Variants in CACNA2D4 observed in about 807,000 individuals in gnomAD.
CACNA2D4 encodes the protein calcium voltage-gated channel auxiliary subunit alpha2delta 4.
CACNA2D4 carries 157 observed loss-of-function variants against 163.8 expected under a neutral mutation model. That is an observed-to-expected ratio of 0.96 (90% CI 0.84 to 1.09). The LOEUF is 1.09. Ranked by LOEUF, CACNA2D4 falls within the 50% of genes least tolerant of loss-of-function variation. The probability of loss-of-function intolerance (pLI) is 0.00; values close to 1 mark genes in which losing one functional copy is unlikely to be tolerated. For missense variants in CACNA2D4, 1,410 were observed against 1,479.9 expected, an observed-to-expected ratio of 0.95 and a Z score of 0.78; for synonymous variants, 598 against 586.9, an observed-to-expected ratio of 1.02 and a Z score of -0.27.
rs1404146598 is a variant in CACNA2D4 at position 1,844,654 on chromosome 12, GC to G, written c.2343-126del. 2.1e-6 allele frequency: 2 copies of G among 953,352 alleles called. No individual in the cohort carries two copies. The highest frequency in any genetic ancestry group is 3.1e-6 in the Non-Finnish European group (2 of 646,616). 59.1% of individuals were successfully genotyped at this position (953,352 alleles called of 1,614,324 possible). On this transcript the variant is annotated intron_variant, in intron 24 of 37. Transcript: ENST00000382722. This position sits in a 1 kb window ranked among gnomAD's most constrained non-coding sequence, Gnocchi z 4.2. ...TGATTTTAGCCCCTAAATTAGTACG[GC>G]CCCAGACAATGCTTCCCAGCAATTC...
At chr12:1,861,568 G>A (rs1441688534) in intron 18 of CACNA2D4, among the ~76,000 whole-genome samples, 3 of 151,736 alleles carry the variant, frequency 2.0e-5, no homozygotes, top group Non-Finnish European at 4.4e-5. Context: ...TCAGCCCCCA[G>A]AGTAGCTGGG....
Position 1,846,666 on chromosome 12 carries a change from A to G in CACNA2D4, c.2270T>C (p.Met757Thr). Residue 757 changes from methionine to threonine, a missense_variant, in exon 24 of 38, where the codon ATG becomes ACG. Physicochemically the swap from Met to Thr is moderately conservative, Grantham distance 81. Transcript: ENST00000382722. ...GCCAGCCCGGGTGCCCAGGAAGGCCATGTCCACCACGTGTTCAGACTCCCT... is the reference window on the plus strand; with the variant it reads ...GCCAGCCCGGGTGCCCAGGAAGGCCGTGTCCACCACGTGTTCAGACTCCCT... ...MSEESEHVVD[M>T]AFLGTRAGLL... The G allele has an allele frequency of 6.2e-7, 1 of 1,601,914 alleles. No individual in the cohort carries two copies. Among genetic ancestry groups the G allele is most frequent in the Non-Finnish European group, 8.5e-7 (1 of 1,176,342 alleles).
chr12:1,844,259 G>A lies in CACNA2D4; in HGVS notation c.2470+143C>T, dbSNP rs1264029104. 6 of 946,628 alleles carry A rather than the reference G, an allele frequency of 6.3e-6. No homozygotes were observed. The highest frequency in any genetic ancestry group is 6.2e-6 in the Non-Finnish European group (4 of 646,472). 58.6% of individuals were successfully genotyped at this position (946,628 alleles called of 1,614,324 possible). A position where few individuals can be genotyped will look rare whatever the true frequency, so the allele number is the denominator to read the frequency against. On this transcript the variant is annotated intron_variant, in intron 25 of 37. Transcript: ENST00000382722. This position sits in a 1 kb window ranked among gnomAD's most constrained non-coding sequence, Gnocchi z 4.2. ...TTTTTTAAGTCACTAATGCATGCAG[G>A]AGGGAAGGCAGGAGGGGAACCCTGG...
intron 23 of CACNA2D4, among the ~76,000 whole-genome samples, chr12:1,849,049 C>T (rs1865216663): frequency 6.6e-6 from 1 of 152,164 alleles, no homozygotes. Flanking sequence ...CAAGATGTTC[C>T]AGGTTCATTG....
At chr12:1,912,941 G>C in intron 3 of CACNA2D4, 82 bp downstream of exon 3, 1 of 814,644 alleles carries the variant, frequency 1.2e-6, no homozygotes, top group Non-Finnish European at 2.1e-6. Flanking sequence ...AGGATGCAGG[G>C]CCATGACATC....
intron 26 of CACNA2D4, among the ~76,000 whole-genome samples, chr12:1,839,024 G>C (rs1396443390): frequency 1.1e-4 from 16 of 152,220 alleles, no homozygotes; most frequent in Admixed American, 9.8e-4. Flanking sequence ...GGCAATGTCA[G>C]ACGGAGCCAT....
Position 1,918,171 on chromosome 12 carries a change from G to A in CACNA2D4, c.227+76C>T, listed in dbSNP as rs986921449. The A allele has an allele frequency of 4.5e-6, 5 of 1,109,400 alleles. No individual in the cohort carries two copies. In the Admixed American group the frequency reaches 8.7e-5, roughly 19 times the overall value. 68.7% of individuals were successfully genotyped at this position (1,109,400 alleles called of 1,614,324 possible). ...GGCAGGGGCGGGAGGAGTGGGCAGA[G>A]GATGGAGGCCCAGCCCGGGAAGAAA... On this transcript the variant is annotated intron_variant, in intron 1 of 37. Transcript: ENST00000382722.
rs1161076541 is a variant in CACNA2D4 at position 1,914,851 on chromosome 12, G to C, written c.309+3C>G. 4 of 1,610,304 alleles carry C rather than the reference G, an allele frequency of 2.5e-6. No homozygotes were observed. Among genetic ancestry groups the C allele is most frequent in the African/African-American group, 1.3e-5 (1 of 74,848 alleles). On this transcript the variant is annotated splice_donor_region_variant and intron_variant, in intron 2 of 37. Transcript: ENST00000382722. The stretch of plus-strand genomic sequence containing the variant: ...GTGGGCTCTCTGGAAGGGGGTGACT[G>C]ACCTTCTGCAGCAAGAGAGAGCCTG...
chr12:1,799,843 A>T lies in CACNA2D4; in HGVS notation c.2975-148T>A, dbSNP rs1863249788. On this transcript the variant is annotated intron_variant, in intron 33 of 37. Coordinates refer to ENST00000382722, the MANE Select transcript of CACNA2D4 (RefSeq NM_172364.5). The surrounding 1 kb of genome is among the most constrained non-coding windows in gnomAD (Gnocchi z 4.7). ...TCACACACAGAGCCAGGAGTGAGGG[A>T]TGTGATGAGAGAAGGCCACGCAGGG... 1.6e-6 allele frequency: 2 copies of T among 1,280,186 alleles called. No homozygotes were observed. The highest frequency in any genetic ancestry group is 2.2e-6 in the Non-Finnish European group (2 of 905,058). The allele number at this position is 1,280,186 out of a possible 1,614,324, so 79.3% of individuals were successfully genotyped here. A position where few individuals can be genotyped will look rare whatever the true frequency, so the allele number is the denominator to read the frequency against.
intron 8 of CACNA2D4, 27 bp from the exon 9 acceptor site, chr12:1,886,066 G>C: frequency 6.3e-6 from 10 of 1,591,072 alleles, no homozygotes; most frequent in Non-Finnish European, 8.6e-6. Context: ...TTGAGGGGAG[G>C]TGGGGGGAGA....
intron 6 of CACNA2D4, among the ~76,000 whole-genome samples, chr12:1,893,790 G>A (rs546486697): frequency 6.6e-6 from 1 of 152,188 alleles, no homozygotes; most frequent in Admixed American, 6.5e-5. Context: ...GTAGCAATAA[G>A]TGCTTACATC....
chr12:1,877,341 TG>T (rs1865903984), intron 16 of CACNA2D4, among the ~76,000 whole-genome samples: 1 of 152,172 alleles, frequency 6.6e-6, no homozygotes, highest in Non-Finnish European at 1.5e-5. Flanking sequence ...CTGCTGGCAC[TG>T]GGGCTGTCCC....
In CACNA2D4 at chr12:1,828,135, C is replaced by T; in HGVS notation, c.2551+12604G>A. ...CCCCAGAGCGACAGGGCCCGGAGAG[C>T]CGTGGGCCTCACCATGCTGGCGCCG... On this transcript the variant is annotated intron_variant, in intron 26 of 37. Coordinates refer to ENST00000382722, the MANE Select transcript of CACNA2D4 (RefSeq NM_172364.5). This position sits in a 1 kb window ranked among gnomAD's most constrained non-coding sequence, Gnocchi z 4.2. 1 of 1,533,366 alleles carries T rather than the reference C, an allele frequency of 6.5e-7. No homozygotes were observed. The highest frequency in any genetic ancestry group is 8.8e-7 in the Non-Finnish European group (1 of 1,138,812). The allele number at this position is 1,533,366 out of a possible 1,614,324, so 95.0% of individuals were successfully genotyped here.
At position 1,799,849 on chromosome 12, in the gene CACNA2D4, T is replaced by C. The variant is rs909050713; in HGVS notation, c.2974+151A>G. 1 of 1,272,330 alleles carries C rather than the reference T, an allele frequency of 7.9e-7. No homozygotes were observed. Among genetic ancestry groups the C allele is most frequent in the East Asian group, 2.5e-5 (1 of 39,546 alleles). 78.8% of individuals were successfully genotyped at this position (1,272,330 alleles called of 1,614,324 possible). A position where few individuals can be genotyped will look rare whatever the true frequency, so the allele number is the denominator to read the frequency against. ...ACAGAGCCAGGAGTGAGGGATGTGA[T>C]GAGAGAAGGCCACGCAGGGTGAGAT... On this transcript the variant is annotated intron_variant, in intron 33 of 37. Coordinates refer to ENST00000382722, the MANE Select transcript of CACNA2D4 (RefSeq NM_172364.5). The surrounding 1 kb of genome is among the most constrained non-coding windows in gnomAD (Gnocchi z 4.7).
rs200465296 is a variant in CACNA2D4 at position 1,820,546 on chromosome 12, CCTCT to C, written c.2552-8827_2552-8824del. 2 of 152,236 alleles carry C rather than the reference CCTCT, an allele frequency of 1.3e-5. No individual in the cohort carries two copies. Among genetic ancestry groups the C allele is most frequent in the Non-Finnish European group, 2.9e-5 (2 of 68,112 alleles). The allele number at this position is 152,236 out of a possible 1,614,324, so 9.4% of individuals were successfully genotyped here. Reference sequence around the variant, plus strand: ...TCCCTCGCCCCTTTCTTCCCTCTCTCCTCTCTCTCTCTCCCTCCATCCCTCTCTT... The same window carrying C: ...TCCCTCGCCCCTTTCTTCCCTCTCTCCTCTCTCTCCCTCCATCCCTCTCTT... On this transcript the variant is annotated intron_variant, in intron 26 of 37. Transcript: ENST00000382722. This position sits in a 1 kb window ranked among gnomAD's most constrained non-coding sequence, Gnocchi z 6.0.
chr12:1,863,043 G>A (rs1056895180), intron 18 of CACNA2D4, among the ~76,000 whole-genome samples: 5 of 151,920 alleles, frequency 3.3e-5, no homozygotes, highest in African/African-American at 1.2e-4. Flanking sequence ...ATTTTTTCTT[G>A]TAAAAGCTTT....
intron 14 of CACNA2D4, 44 bp downstream of exon 14, chr12:1,879,760 A>G (rs962135368): frequency 3.4e-6 from 5 of 1,467,938 alleles, no homozygotes; most frequent in South Asian, 2.4e-5. Flanking sequence ...CTGAAGCCCC[A>G]GGTTCTAATC....
At chr12:1,868,981 T>C (rs1167392853) in intron 18 of CACNA2D4, among the ~76,000 whole-genome samples, 1 of 152,198 alleles carries the variant, frequency 6.6e-6, no homozygotes, top group Non-Finnish European at 1.5e-5. Flanking sequence ...ATCTACACCA[T>C]TTAATAGAAG....
intron 3 of CACNA2D4, among the ~76,000 whole-genome samples, chr12:1,911,136 G>A (rs181595512): frequency 6.7e-6 from 1 of 149,174 alleles, no homozygotes; most frequent in African/African-American, 2.5e-5. Flanking sequence ...CGATTCTCCT[G>A]CCTCAGACTC....
Sources: allele counts gnomAD v4.1 joint callset (sites outside exome capture counted in the v4.1 genomes callset), GRCh38; gene constraint gnomAD v4.1.1; non-coding constraint Gnocchi (gnomAD v3.1); transcripts MANE v1.5; gene names NCBI Gene and HGNC (gene_info 2026-07-23, HGNC 2026-07-21).